The following DOK7 variants were observed in gnomAD, a reference collection of about 807,000 sequenced individuals.
The protein encoded by DOK7 is protein Dok-7.
DOK7 carries 32 observed loss-of-function variants against 30.7 expected under a neutral mutation model. The observed-to-expected ratio is 1.04, with a 90% CI of 0.79 to 1.40. The LOEUF is 1.40. Among genes scored for constraint, DOK7 ranks in the 40% most tolerant of loss-of-function variants. The pLI is 0.00. For synonymous variants in DOK7, 447 were observed against 324.1 expected (o/e 1.38, Z -4.07); for missense variants, 1,007 against 699.2 (o/e 1.44, Z -4.97).
At chr4:3,484,521 G>A (rs535200745) in intron 4 of DOK7, 30 of 985,524 alleles carry the variant, frequency 3.0e-5, no homozygotes, top group African/African-American at 1.0e-4. Flanking sequence ...GTGTCCAGCC[G>A]GGTGCAGCCA....
At chr4:3,466,794 G>C (rs1212073566) in intron 2 of DOK7, among the ~76,000 whole-genome samples, 1 of 152,216 alleles carries the variant, frequency 6.6e-6, no homozygotes, top group Non-Finnish European at 1.5e-5. Context: ...GGCATCTGGA[G>C]CCTCGTCCTG....
At chr4:3,481,117 A>T (rs1398707389) in intron 4 of DOK7, among the ~76,000 whole-genome samples, 3 of 151,070 alleles carry the variant, frequency 2.0e-5, no homozygotes, top group Non-Finnish European at 4.4e-5. Context: ...GTGAGGGTGG[A>T]GGAGGAGGAG....
intron 2 of DOK7, among the ~76,000 whole-genome samples, chr4:3,466,885 C>CA (rs1726318482): frequency 6.6e-6 from 1 of 152,226 alleles, no homozygotes; most frequent in South Asian, 2.1e-4. Flanking sequence ...GGGGCACCCT[C>CA]ACGCGTTTCC....
chr4:3,484,071 G>A (rs914591491), intron 4 of DOK7, among the ~76,000 whole-genome samples: 9 of 152,226 alleles, frequency 5.9e-5, no homozygotes, highest in Non-Finnish European at 1.2e-4. Context: ...GGTGCACAGG[G>A]GGCCAGGGGA....
At chr4:3,495,327 T>G (rs985426466), downstream of DOK7, among the ~76,000 whole-genome samples, 5 of 129,324 alleles carry the variant, frequency 3.9e-5, no homozygotes, top group African/African-American at 2.4e-4. Context: ...CCCGCTAGTC[T>G]TCATCATCCA....
At chr4:3,487,681 G>A (rs1030042621) in intron 5 of DOK7, among the ~76,000 whole-genome samples, 1 of 152,204 alleles carries the variant, frequency 6.6e-6, no homozygotes, top group African/African-American at 2.4e-5. Flanking sequence ...AGGCTCAGGG[G>A]GCGTGTGGTG....
At chr4:3,494,576 C>T (rs908615908), downstream of DOK7, 2 of 942,128 alleles carry the variant, frequency 2.1e-6, no homozygotes, top group South Asian at 4.9e-5. Context: ...CCGGGCCCGG[C>T]TTCCCTGGCC....
chr4:3,475,495 C>G (rs1727004795), intron 3 of DOK7, among the ~76,000 whole-genome samples: 1 of 152,174 alleles, frequency 6.6e-6, no homozygotes, highest in Admixed American at 6.5e-5. Context: ...CCTGGGAAGA[C>G]AGGGGAGGTG....
At chr4:3,476,247 ACCCC>A in intron 3 of DOK7, 91 bp from the exon 4 acceptor site, 1 of 454,374 alleles carries the variant, frequency 2.2e-6, no homozygotes, top group Non-Finnish European at 3.0e-6. Flanking sequence ...ATGCCCTCTC[ACCCC>A]ACCCGCCCGT....
chr4:3,475,076 C>T (rs1331660162), intron 3 of DOK7, among the ~76,000 whole-genome samples: 1 of 152,242 alleles, frequency 6.6e-6, no homozygotes, highest in Non-Finnish European at 1.5e-5. Flanking sequence ...GCAGCAGCCC[C>T]TCCTGCTCCA....
chr4:3,463,441 T>A lies in DOK7; in HGVS notation c.54+12T>A, dbSNP rs1204938236. The A allele has an allele frequency of 2.0e-6, 1 of 493,652 alleles. No individual in the cohort carries two copies. Among genetic ancestry groups the A allele is most frequent in the Admixed American group, 6.9e-5 (1 of 14,538 alleles). The allele number at this position is 493,652 out of a possible 1,614,324, so 30.6% of individuals were successfully genotyped here. A position where few individuals can be genotyped will look rare whatever the true frequency, so the allele number is the denominator to read the frequency against. ...GGGACGGCAAGAAGGTCGGGGCGCG[T>A]CGGGGGCGCGGGGGGGGGGGGCGCG... is the stretch of plus-strand genomic sequence containing the variant. On this transcript the variant is annotated intron_variant, in intron 1 of 6. Transcript: ENST00000340083.
At chr4:3,497,105 C>T (rs1728952548), downstream of DOK7, among the ~76,000 whole-genome samples, 2 of 151,886 alleles carry the variant, frequency 1.3e-5, no homozygotes, top group South Asian at 4.2e-4. Flanking sequence ...GGGGGTGAGT[C>T]CCAGCCCAGG....
At position 3,494,422 on chromosome 4, in the gene DOK7, C is replaced by G. The variant is rs960019525; in HGVS notation, c.*921C>G. On this transcript the variant is annotated 3_prime_UTR_variant, in exon 7 of 7. Transcript: ENST00000340083. ...GAACACCTCTTTGTCCCTTCACTGT[C>G]AGCTGTTTCTAAACCCAGACACTGT... 17 of 985,630 alleles carry G rather than the reference C, an allele frequency of 1.7e-5. No individual in the cohort carries two copies. Among genetic ancestry groups the G allele is most frequent in the Non-Finnish European group, 2.0e-5 (17 of 830,168 alleles). 61.1% of individuals were successfully genotyped at this position (985,630 alleles called of 1,614,324 possible). A position where few individuals can be genotyped will look rare whatever the true frequency, so the allele number is the denominator to read the frequency against.
intron 4 of DOK7, among the ~76,000 whole-genome samples, chr4:3,481,333 C>T (rs1322092896): frequency 2.0e-5 from 3 of 151,770 alleles, no homozygotes; most frequent in Non-Finnish European, 2.9e-5. Context: ...AGATGGAGGG[C>T]GAGGCTGCCC....
intron 6 of DOK7, among the ~76,000 whole-genome samples, chr4:3,492,468 GGGA>G (rs1728536688): frequency 6.6e-6 from 1 of 152,104 alleles, no homozygotes; most frequent in Non-Finnish European, 1.5e-5. Flanking sequence ...TCTAGGGAAG[GGGA>G]GGAGGCGGGG....
intron 3 of DOK7, 56 bp downstream of exon 3, chr4:3,473,692 C>G (rs1577149068): frequency 6.8e-7 from 1 of 1,472,204 alleles, no homozygotes; most frequent in Non-Finnish European, 9.1e-7. Context: ...GTGCCGGGGC[C>G]CCTCACCAAC....
intron 3 of DOK7, among the ~76,000 whole-genome samples, chr4:3,473,913 C>T (rs1015673610): frequency 5.3e-5 from 8 of 152,134 alleles, no homozygotes; most frequent in Non-Finnish European, 8.8e-5. Flanking sequence ...TTTGGAGGGA[C>T]GTGGCTTCCC....
At chr4:3,468,375 T>G (rs1264889351) in intron 2 of DOK7, among the ~76,000 whole-genome samples, 1 of 151,974 alleles carries the variant, frequency 6.6e-6, no homozygotes, top group African/African-American at 2.4e-5. Flanking sequence ...TGTCTGTGTG[T>G]GCAAGTGTGT....
rs766620998 is a variant in DOK7 at position 3,492,841 on chromosome 4, A to G, written c.855A>G (p.Pro285=). ...CCAGCAGCCGGCTCACCGCATGGCC[A>G]GAGCAATCCTCGTCGTCAGCCAGCA... ...VSASSRLTAW[P]EQSSSSASTS... The change falls in exon 7 of 7, where the codon CCA becomes CCG. Residue 285 remains proline (P), a synonymous_variant. Transcript: ENST00000340083. 7.4e-6 allele frequency: 12 copies of G among 1,612,150 alleles called. No individual in the cohort carries two copies. The highest frequency in any genetic ancestry group is 4.5e-5 in the East Asian group (2 of 44,884).
Sources: gnomAD v4.1 joint callset for allele counts (sites outside exome capture counted in the v4.1 genomes callset) on GRCh38, gnomAD v4.1.1 for gene constraint, MANE v1.5 for transcripts, NCBI Gene and HGNC (gene_info 2026-07-23, HGNC 2026-07-21) for gene names.